The following CSMD1 variants were observed in gnomAD, a reference collection of about 807,000 sequenced individuals.
The protein encoded by CSMD1 is CUB and Sushi multiple domains 1, also known as CUB and sushi domain-containing protein 1.
CSMD1 carries 213 observed loss-of-function variants against 417.5 expected under a neutral mutation model. The observed-to-expected ratio is 0.51, with a 90% CI of 0.46 to 0.57. The LOEUF (loss-of-function observed/expected upper bound fraction) is 0.57. CSMD1 is among the 20% of genes least tolerant of loss of function. CSMD1 has a pLI of 0.00. For synonymous variants in CSMD1, 2,862 were observed against 1,736.8 expected (o/e 1.65, Z -16.11); for missense variants, 6,923 against 4,529.7 (o/e 1.53, Z -15.17).
chr8:4,185,079 C>T (rs930938890), intron 3 of CSMD1, among the ~76,000 whole-genome samples: 3 of 134,390 alleles, frequency 2.2e-5, no homozygotes, highest in Non-Finnish European at 3.0e-5. Flanking sequence ...GCAGAGGTTG[C>T]AGTGAGCCAA....
intron 10 of CSMD1, among the ~76,000 whole-genome samples, chr8:3,564,965 A>C (rs1398907411): frequency 6.6e-6 from 1 of 150,586 alleles, no homozygotes; most frequent in African/African-American, 2.5e-5. Flanking sequence ...AAGATTAATG[A>C]TGAATAGCTA....
intron 5 of CSMD1, among the ~76,000 whole-genome samples, chr8:3,929,489 C>T (rs1310646811): frequency 6.6e-6 from 1 of 150,378 alleles, no homozygotes; most frequent in East Asian, 1.9e-4. Flanking sequence ...CTCTGAAGGA[C>T]TCTGCAATCT....
At chr8:4,144,936 C>G (rs1048473009) in intron 3 of CSMD1, among the ~76,000 whole-genome samples, 1 of 150,894 alleles carries the variant, frequency 6.6e-6, no homozygotes, top group Admixed American at 6.6e-5. Flanking sequence ...AGCAGAGACC[C>G]CAGAAATCAT....
chr8:3,953,278 G>T lies in CSMD1; in HGVS notation c.818+44625C>A, dbSNP rs558364174. Among the ~76,000 whole-genome samples the T allele has an allele frequency of 5.5e-4, 83 of 152,190 alleles. 1 individual carries two copies. Among genetic ancestry groups the T allele is most frequent in the African/African-American group, 1.9e-3 (79 of 41,558 alleles). ...GAGAAGTTTTTACCCTGGATTAAGA[G>T]AATTCAACTCAGAAATTCTCTCATA... On this transcript the variant is annotated intron_variant, in intron 5 of 69. Transcript: ENST00000635120.
chr8:4,569,286 T>G (rs1798767721), intron 2 of CSMD1, among the ~76,000 whole-genome samples: 1 of 152,218 alleles, frequency 6.6e-6, no homozygotes, highest in Non-Finnish European at 1.5e-5. Context: ...GGTCTAACAT[T>G]TAAGTCTTTA....
chr8:3,427,775 C>A (rs1407173623), intron 12 of CSMD1, among the ~76,000 whole-genome samples: 1 of 152,024 alleles, frequency 6.6e-6, no homozygotes, highest in African/African-American at 2.4e-5. Context: ...TAATGAAATT[C>A]AGAGAGGAAA....
At chr8:3,097,416 G>GA (rs1196047927) in intron 46 of CSMD1, among the ~76,000 whole-genome samples, 1 of 151,796 alleles carries the variant, frequency 6.6e-6, no homozygotes, top group Non-Finnish European at 1.5e-5. Context: ...TATGCAATAA[G>GA]AAAAGAAAAC....
intron 1 of CSMD1, among the ~76,000 whole-genome samples, chr8:4,710,110 C>T (rs1808194864): frequency 6.6e-6 from 1 of 152,054 alleles, no homozygotes; most frequent in Non-Finnish European, 1.5e-5. Context: ...AAAGCAAGTT[C>T]TGATAACCTT....
At chr8:3,263,059 A>G (rs1000105894) in intron 26 of CSMD1, among the ~76,000 whole-genome samples, 4 of 152,146 alleles carry the variant, frequency 2.6e-5, no homozygotes, top group Admixed American at 6.6e-5. Flanking sequence ...TATGTCACCT[A>G]CTTTGTGTAA....
At chr8:3,322,687 G>C (rs763293780) in intron 23 of CSMD1, among the ~76,000 whole-genome samples, 2 of 152,184 alleles carry the variant, frequency 1.3e-5, no homozygotes, top group African/African-American at 4.8e-5. Context: ...GGAGGTGTCA[G>C]ACTTCATGGC....
chr8:3,023,352 G>A (rs922430744), intron 51 of CSMD1, among the ~76,000 whole-genome samples: 2 of 152,044 alleles, frequency 1.3e-5, no homozygotes, highest in African/African-American at 4.8e-5. Context: ...TCTGGTTCAG[G>A]GATTTCTGTG....
intron 1 of CSMD1, among the ~76,000 whole-genome samples, chr8:4,848,811 T>G (rs1801298035): frequency 6.6e-6 from 1 of 152,242 alleles, no homozygotes; most frequent in East Asian, 1.9e-4. Flanking sequence ...TCCAAAGTGC[T>G]GGGATTACAG....
chr8:4,865,210 A>T (rs542110226), intron 1 of CSMD1, among the ~76,000 whole-genome samples: 15 of 151,792 alleles, frequency 9.9e-5, no homozygotes, highest in Non-Finnish European at 1.8e-4. Flanking sequence ...CATAATGATA[A>T]GTCCTTTATT....
At chr8:3,542,434 G>T (rs965721948) in intron 10 of CSMD1, among the ~76,000 whole-genome samples, 1 of 152,124 alleles carries the variant, frequency 6.6e-6, no homozygotes, top group Admixed American at 6.5e-5. Flanking sequence ...GATTGGATGT[G>T]CGTTAGGGAA....
chr8:3,838,752 A>G (rs377301587), intron 5 of CSMD1, among the ~76,000 whole-genome samples: 1 of 42,036 alleles, frequency 2.4e-5, no homozygotes, highest in Admixed American at 2.4e-4. Context: ...AATATATAAT[A>G]AATATTATAT....
At position 4,042,775 on chromosome 8, in the gene CSMD1, T is replaced by C. The variant is rs1585192422; in HGVS notation, c.416-10676A>G. 2.2e-5 allele frequency among the ~76,000 whole-genome samples: 3 copies of C among 138,182 alleles called. No homozygotes were observed. The South Asian group carries it at 7.1e-4, about 32-fold the overall frequency. 90.7% of individuals were successfully genotyped at this position (138,182 alleles called of 152,430 possible). On this transcript the variant is annotated intron_variant, in intron 3 of 69. Coordinates refer to ENST00000635120, the MANE Select transcript of CSMD1 (RefSeq NM_033225.6). ...GTAAGAAGAAAGGAGAGCACATTGC[T>C]GTATCTTCGCTATACAATAGGTGAA...
intron 8 of CSMD1, among the ~76,000 whole-genome samples, chr8:3,597,305 C>G (rs1320676539): frequency 6.6e-6 from 1 of 152,128 alleles, no homozygotes; most frequent in Non-Finnish European, 1.5e-5. Flanking sequence ...AAGCTGAGCA[C>G]AGCTTCCCAG....
intron 5 of CSMD1, among the ~76,000 whole-genome samples, chr8:3,760,502 A>G (rs1196872920): frequency 6.6e-6 from 1 of 152,122 alleles, no homozygotes; most frequent in African/African-American, 2.4e-5. Flanking sequence ...ACATACTCCT[A>G]CTCATTCTTT....
intron 2 of CSMD1, among the ~76,000 whole-genome samples, chr8:4,479,856 C>T (rs896704426): frequency 1.3e-5 from 2 of 151,710 alleles, no homozygotes; most frequent in Non-Finnish European, 2.9e-5. Context: ...GTTCCAGCTA[C>T]TCGGGAGGCT....
Sources: allele counts gnomAD v4.1 joint callset (sites outside exome capture counted in the v4.1 genomes callset), GRCh38; gene constraint gnomAD v4.1.1; transcripts MANE v1.5; gene names NCBI Gene and HGNC (gene_info 2026-07-23, HGNC 2026-07-21).